Variants in PRELID2 observed in about 807,000 individuals in gnomAD.
The protein encoded by PRELID2 is PRELI domain-containing protein 2.
Under a neutral mutation model 28.4 loss-of-function variants are expected in PRELID2, and 25 were observed. The ratio of observed to expected loss-of-function variants is 0.88; its 90% CI spans 0.64 to 1.23. The LOEUF (loss-of-function observed/expected upper bound fraction) is 1.23, where lower values mean the gene tolerates loss of function less well. Among genes scored for constraint, PRELID2 ranks in the 50% most tolerant of loss-of-function variants. The pLI is 0.00. For synonymous variants in PRELID2, 76 were observed against 71.6 expected, an observed-to-expected ratio of 1.06 and a Z score of -0.31; for missense variants, 201 against 214.4, an observed-to-expected ratio of 0.94 and a Z score of 0.39.
chr5:145,431,270 G>C, the PRELID2 span, among the ~76,000 whole-genome samples: 1 of 151,796 alleles, frequency 6.6e-6, no homozygotes, highest in Admixed American at 6.6e-5. Flanking sequence ...TAATGTTCTA[G>C]AAACATGTTT....
intron 1 of PRELID2, among the ~76,000 whole-genome samples, chr5:145,655,216 A>G (rs1262289569): frequency 6.6e-5 from 10 of 152,074 alleles, no homozygotes; most frequent in African/African-American, 2.4e-4. Flanking sequence ...CTCTTCAAGG[A>G]GAACTACAAA....
chr5:145,697,382 C>G (rs77844699), intron 1 of PRELID2, among the ~76,000 whole-genome samples: 7,037 of 152,052 alleles, frequency 0.046, 581 homozygotes, highest in African/African-American at 0.16. Flanking sequence ...GAAGGTCTTA[C>G]AGCTTGGATT....
At chr5:145,581,062 A>T (rs1045373774) in intron 1 of PRELID2, among the ~76,000 whole-genome samples, 1 of 151,708 alleles carries the variant, frequency 6.6e-6, no homozygotes, top group Non-Finnish European at 1.5e-5. Context: ...ATTTACCTCC[A>T]CCAAGAGGAA....
chr5:145,695,590 T>A (rs1755243495), intron 1 of PRELID2, among the ~76,000 whole-genome samples: 1 of 152,178 alleles, frequency 6.6e-6, no homozygotes, highest in South Asian at 2.1e-4. Context: ...TCAGAGTCTC[T>A]TGTGGAATTG....
the PRELID2 span, among the ~76,000 whole-genome samples, chr5:145,433,514 T>A: frequency 1.3e-5 from 2 of 152,140 alleles, no homozygotes; most frequent in African/African-American, 4.8e-5. Context: ...CTGCTGCTCT[T>A]CACCTGGGCA....
At chr5:145,615,145 T>C (rs1753676193) in intron 1 of PRELID2, among the ~76,000 whole-genome samples, 1 of 152,312 alleles carries the variant, frequency 6.6e-6, no homozygotes, top group South Asian at 2.1e-4. Flanking sequence ...CAAGGCCTTT[T>C]ACCATTATAA....
chr5:145,526,934 T>C (rs1024517681), intron 1 of PRELID2, among the ~76,000 whole-genome samples: 1 of 152,222 alleles, frequency 6.6e-6, no homozygotes, highest in African/African-American at 2.4e-5. Flanking sequence ...TCTTGTTCAT[T>C]AGTCACTCTT....
the PRELID2 span, among the ~76,000 whole-genome samples, chr5:145,463,152 C>G: frequency 0.23 from 34,240 of 151,790 alleles, 4,117 homozygotes; most frequent in South Asian, 0.35. Context: ...TCAAAATAAA[C>G]AAAGAATAAT....
At chr5:145,306,762 G>T in the PRELID2 span, among the ~76,000 whole-genome samples, 4 of 151,908 alleles carry the variant, frequency 2.6e-5, no homozygotes, top group African/African-American at 7.3e-5. Flanking sequence ...TATGAATTAC[G>T]TATATATGTT....
At chr5:145,406,959 G>A in the PRELID2 span, among the ~76,000 whole-genome samples, 32,993 of 152,130 alleles carry the variant, frequency 0.22, 3,831 homozygotes, top group South Asian at 0.33. Context: ...GCCATTCCTG[G>A]CCTTATCTCA....
At chr5:145,727,836 G>C (rs2149723408) in intron 1 of PRELID2, among the ~76,000 whole-genome samples, 1 of 152,300 alleles carries the variant, frequency 6.6e-6, no homozygotes, top group East Asian at 1.9e-4. Context: ...ATCAAAGGTT[G>C]AATCAAGGCA....
the PRELID2 span, among the ~76,000 whole-genome samples, chr5:145,390,929 G>A: frequency 6.6e-6 from 1 of 152,284 alleles, no homozygotes; most frequent in East Asian, 1.9e-4. Context: ...AAATCCAATA[G>A]GGCAGCCTTA....
the PRELID2 span, among the ~76,000 whole-genome samples, chr5:145,237,126 G>A: frequency 2.6e-5 from 4 of 152,056 alleles, no homozygotes; most frequent in African/African-American, 7.2e-5. Flanking sequence ...TCCCAAATTG[G>A]GTCTGCTCCT....
chr5:145,363,213 T>C, the PRELID2 span, among the ~76,000 whole-genome samples: 9 of 151,792 alleles, frequency 5.9e-5, no homozygotes, highest in African/African-American at 2.2e-4. Flanking sequence ...CTAGCGAACA[T>C]TGATAGCCAG....
chr5:145,602,116 C>T (rs1232158705), intron 1 of PRELID2, among the ~76,000 whole-genome samples: 1 of 152,046 alleles, frequency 6.6e-6, no homozygotes, highest in Non-Finnish European at 1.5e-5. Context: ...AGCCCTGAGG[C>T]AAAGATATGC....
chr5:145,324,443 A>C, the PRELID2 span, among the ~76,000 whole-genome samples: 1 of 152,320 alleles, frequency 6.6e-6, no homozygotes, highest in South Asian at 2.1e-4. Flanking sequence ...CTATTCTTCC[A>C]AACAACTGAC....
At chr5:145,716,981 T>C (rs1263226396) in intron 1 of PRELID2, among the ~76,000 whole-genome samples, 1 of 152,130 alleles carries the variant, frequency 6.6e-6, no homozygotes, top group Non-Finnish European at 1.5e-5. Context: ...CCATCAATAA[T>C]GGAATGCGTG....
At chr5:145,277,032 A>C in the PRELID2 span, among the ~76,000 whole-genome samples, 3 of 152,056 alleles carry the variant, frequency 2.0e-5, no homozygotes, top group African/African-American at 7.2e-5. Context: ...GATTTTTATG[A>C]ATGATGCCAC....
the PRELID2 span, among the ~76,000 whole-genome samples, chr5:145,238,138 C>G: frequency 3.3e-5 from 5 of 152,094 alleles, no homozygotes; most frequent in Non-Finnish European, 7.4e-5. Flanking sequence ...CCAAGCCTCC[C>G]TATTAGCTTG....
Sources: allele counts gnomAD v4.1 joint callset (sites outside exome capture counted in the v4.1 genomes callset), GRCh38; gene constraint gnomAD v4.1.1; transcripts MANE v1.5; gene names NCBI Gene and HGNC (gene_info 2026-07-23, HGNC 2026-07-21).